The following PDE4D variants were observed in gnomAD, a reference collection of about 807,000 sequenced individuals.
PDE4D encodes the protein 3',5'-cyclic-AMP phosphodiesterase 4D.
In PDE4D, 24 loss-of-function variants were observed where a neutral mutation model predicts 87.4. The ratio of observed to expected loss-of-function variants is 0.27; its 90% CI spans 0.20 to 0.39. The LOEUF (loss-of-function observed/expected upper bound fraction) is 0.39. Ranked by LOEUF, PDE4D falls within the 10% of genes least tolerant of loss-of-function variation. The pLI is 1.00. For missense variants in PDE4D, 714 were observed against 1,041.0 expected (o/e 0.69, Z 4.32); for synonymous variants, 384 against 383.2 (o/e 1.00, Z -0.02).
At chr5:59,557,381 A>G in intron 1 of PDE4D, among the ~76,000 whole-genome samples, 1 of 152,048 alleles carries the variant, frequency 6.6e-6, no homozygotes, top group East Asian at 1.9e-4. Context: ...TCACATAGTG[A>G]GTTTTATTTT....
intron 1 of PDE4D, among the ~76,000 whole-genome samples, chr5:59,348,713 T>A (rs975217799): frequency 6.7e-6 from 1 of 149,658 alleles, no homozygotes; most frequent in Non-Finnish European, 1.5e-5. Flanking sequence ...TACAGTAATA[T>A]ATATTTACTC....
intron 5 of PDE4D, among the ~76,000 whole-genome samples, chr5:59,132,175 G>A (rs1326826948): frequency 6.6e-6 from 1 of 151,936 alleles, no homozygotes; most frequent in Admixed American, 6.6e-5. Context: ...TAATGGCCCT[G>A]GTACACTCCC....
chr5:59,891,787 T>TCA lies in PDE4D; in HGVS notation c.455+1379_455+1380dup, dbSNP rs55796463. ...TAGTGTATACAACAGAGAGACATGC[T>TCA]CACACACACACACACACACAAAACT... On this transcript the variant is annotated intron_variant, in intron 1 of 14. Transcript: ENST00000340635. 3.6e-3 allele frequency among the ~76,000 whole-genome samples: 536 copies of TCA among 150,352 alleles called. 3 individuals carry two copies. Among genetic ancestry groups the TCA allele is most frequent in the African/African-American group, 0.011 (467 of 41,064 alleles).
intron 1 of PDE4D, among the ~76,000 whole-genome samples, chr5:60,468,034 C>T (rs563556988): frequency 5.3e-4 from 81 of 152,230 alleles, no homozygotes; most frequent in African/African-American, 1.9e-3. Flanking sequence ...TATGATAATA[C>T]CTTGTAGAAC....
At chr5:59,992,689 T>A (rs1047839532) in intron 2 of PDE4D, among the ~76,000 whole-genome samples, 1 of 152,232 alleles carries the variant, frequency 6.6e-6, no homozygotes, top group Admixed American at 6.5e-5. Flanking sequence ...GACATTCTTT[T>A]TTAGATAAAA....
rs1376794126 is a variant in PDE4D, at chr5:59,494,738, C to T, written c.456-278770G>A. Among the ~76,000 whole-genome samples, 3 of 152,258 alleles carry T rather than the reference C, an allele frequency of 2.0e-5. No individual in the cohort carries two copies. In the East Asian group the frequency reaches 5.8e-4, roughly 29 times the overall value. On this transcript the variant is annotated intron_variant, in intron 1 of 14. Coordinates refer to ENST00000340635, the MANE Select transcript of PDE4D (RefSeq NM_001104631.2). ...AAATTCTAAATGTCTAGCAATAGACCTGAGGCACTTGCATTAAGACTTTGA... is the reference window on the plus strand; with the variant it reads ...AAATTCTAAATGTCTAGCAATAGACTTGAGGCACTTGCATTAAGACTTTGA...
At chr5:59,969,740 C>G (rs1024135914) in intron 3 of PDE4D, among the ~76,000 whole-genome samples, 1 of 152,070 alleles carries the variant, frequency 6.6e-6, no homozygotes, top group Non-Finnish European at 1.5e-5. Flanking sequence ...AGAGGCTTTT[C>G]CCCACTTTGC....
chr5:60,380,760 G>C (rs895627241), intron 1 of PDE4D, among the ~76,000 whole-genome samples: 4 of 152,216 alleles, frequency 2.6e-5, no homozygotes, highest in African/African-American at 9.6e-5. Flanking sequence ...ATATTGGATA[G>C]AAAAGGGCAG....
At chr5:60,275,157 C>A (rs1343535515) in intron 1 of PDE4D, among the ~76,000 whole-genome samples, 1 of 152,172 alleles carries the variant, frequency 6.6e-6, no homozygotes, top group Non-Finnish European at 1.5e-5. Flanking sequence ...TAGAACAATT[C>A]AGAATCTCGC....
intron 1 of PDE4D, among the ~76,000 whole-genome samples, chr5:59,488,830 C>G (rs1056296272): frequency 6.6e-6 from 1 of 151,964 alleles, no homozygotes; most frequent in Non-Finnish European, 1.5e-5. Flanking sequence ...GGCGGTTTAG[C>G]TGGTAAGTAA....
At chr5:60,457,953 A>T (rs1432994596) in intron 1 of PDE4D, among the ~76,000 whole-genome samples, 1 of 152,198 alleles carries the variant, frequency 6.6e-6, no homozygotes, top group Non-Finnish European at 1.5e-5. Context: ...TATTTTCTTG[A>T]GCACCTAATA....
chr5:59,691,789 T>C (rs1750992760), intron 1 of PDE4D, among the ~76,000 whole-genome samples: 1 of 151,566 alleles, frequency 6.6e-6, no homozygotes, highest in Non-Finnish European at 1.5e-5. Context: ...GTGCAAAAAA[T>C]AAGCTTAATA....
At chr5:59,976,299 C>T (rs1409300203) in intron 3 of PDE4D, among the ~76,000 whole-genome samples, 1 of 151,952 alleles carries the variant, frequency 6.6e-6, no homozygotes, top group African/African-American at 2.4e-5. Context: ...GGTATTTATA[C>T]CCTCCAAATC....
At chr5:60,043,820 T>C (rs1235553145) in intron 2 of PDE4D, among the ~76,000 whole-genome samples, 1 of 152,242 alleles carries the variant, frequency 6.6e-6, no homozygotes, top group Non-Finnish European at 1.5e-5. Flanking sequence ...AAGGCAGGTC[T>C]ACTGGTGACA....
intron 1 of PDE4D, among the ~76,000 whole-genome samples, chr5:60,419,487 ATATC>A (rs1449034411): frequency 6.6e-6 from 1 of 151,714 alleles, no homozygotes; most frequent in African/African-American, 2.4e-5. Context: ...AGAACTGGTA[ATATC>A]TATCACCTCT....
At chr5:60,174,275 T>C (rs1254422569) in intron 2 of PDE4D, among the ~76,000 whole-genome samples, 2 of 152,176 alleles carry the variant, frequency 1.3e-5, no homozygotes. Context: ...GGAACAGCAT[T>C]GTTTAAGGAA....
At chr5:60,081,029 G>T (rs535652719) in intron 2 of PDE4D, among the ~76,000 whole-genome samples, 1 of 152,120 alleles carries the variant, frequency 6.6e-6, no homozygotes, top group African/African-American at 2.4e-5. Flanking sequence ...TTGGTTGGTA[G>T]GCCATTAATT....
chr5:60,362,517 T>C (rs1760157816), intron 1 of PDE4D, among the ~76,000 whole-genome samples: 1 of 152,250 alleles, frequency 6.6e-6, no homozygotes, highest in Non-Finnish European at 1.5e-5. Context: ...ATCAGCTTCA[T>C]GGGACATCTC....
At chr5:59,578,055 A>G (rs1449097686) in intron 1 of PDE4D, among the ~76,000 whole-genome samples, 1 of 152,166 alleles carries the variant, frequency 6.6e-6, no homozygotes, top group Non-Finnish European at 1.5e-5. Context: ...AGCAGGTTAC[A>G]TATATATGGA....
Sources: gnomAD v4.1 joint callset for allele counts (sites outside exome capture counted in the v4.1 genomes callset) on GRCh38, gnomAD v4.1.1 for gene constraint, MANE v1.5 for transcripts, NCBI Gene and HGNC (gene_info 2026-07-23, HGNC 2026-07-21) for gene names.